The following EPHA6 variants were observed in gnomAD, a reference collection of about 807,000 sequenced individuals.
EPHA6 encodes EPH receptor A6, also known as ephrin type-A receptor 6.
A neutral mutation model predicts 112.0 loss-of-function variants in EPHA6; 50 were observed. The observed-to-expected ratio is 0.45, with a 90% CI of 0.36 to 0.56. The LOEUF (loss-of-function observed/expected upper bound fraction) is 0.56, where lower values mean the gene tolerates loss of function less well. Ranked by LOEUF, EPHA6 falls within the 20% of genes least tolerant of loss-of-function variation. The pLI is 0.00. For synonymous variants in EPHA6, 529 were observed against 490.7 expected (o/e 1.08, Z -1.03); for missense variants, 1,280 against 1,417.4 (o/e 0.90, Z 1.56).
At chr3:97,687,613 A>G (rs1428675369) in intron 14 of EPHA6, among the ~76,000 whole-genome samples, 1 of 152,220 alleles carries the variant, frequency 6.6e-6, no homozygotes, top group Admixed American at 6.5e-5. Context: ...AACTTTCCAC[A>G]TAGTTTCTTT....
chr3:97,330,906 T>G (rs993630881), intron 5 of EPHA6, among the ~76,000 whole-genome samples: 26 of 152,134 alleles, frequency 1.7e-4, no homozygotes, highest in Non-Finnish European at 3.5e-4. Flanking sequence ...CTAATAGACT[T>G]CTACAGAACT....
At chr3:97,387,258 G>C (rs546136395) in intron 5 of EPHA6, among the ~76,000 whole-genome samples, 36 of 151,242 alleles carry the variant, frequency 2.4e-4, no homozygotes, top group African/African-American at 8.3e-4. Flanking sequence ...TCTACCACAT[G>C]ATGGGACTGC....
intron 9 of EPHA6, chr3:97,481,567 C>G (rs4296598): frequency 1.6e-5 from 10 of 639,626 alleles, no homozygotes; most frequent in Non-Finnish European, 2.6e-5. Flanking sequence ...GCGGCGCGTC[C>G]GGCGCTGGGG....
intron 12 of EPHA6, among the ~76,000 whole-genome samples, chr3:97,608,760 C>A (rs911068454): frequency 6.6e-6 from 1 of 151,128 alleles, no homozygotes; most frequent in Non-Finnish European, 1.5e-5. Context: ...CTGGTAAAGC[C>A]GTGGATACAA....
intron 3 of EPHA6, among the ~76,000 whole-genome samples, chr3:97,105,236 A>G (rs1320672356): frequency 1.3e-5 from 2 of 151,608 alleles, no homozygotes; most frequent in Non-Finnish European, 2.9e-5. Context: ...GGTTAATTTG[A>G]GTTCTTTCTA....
chr3:97,202,282 T>A (rs1284038633), intron 3 of EPHA6, among the ~76,000 whole-genome samples: 2 of 152,034 alleles, frequency 1.3e-5, no homozygotes, highest in Non-Finnish European at 2.9e-5. Context: ...CTGAAGAAGC[T>A]TGAGGTCAAT....
intron 4 of EPHA6, among the ~76,000 whole-genome samples, chr3:97,229,006 G>C (rs184109454): frequency 6.6e-6 from 1 of 152,088 alleles, no homozygotes; most frequent in Non-Finnish European, 1.5e-5. Context: ...TCTGTTGGCA[G>C]TTTGTGTATC....
chr3:97,394,629 T>C (rs923143953), intron 5 of EPHA6, among the ~76,000 whole-genome samples: 1 of 151,830 alleles, frequency 6.6e-6, no homozygotes, highest in East Asian at 1.9e-4. Context: ...TGAATAGATA[T>C]TTTTGAAGAG....
intron 5 of EPHA6, among the ~76,000 whole-genome samples, chr3:97,353,787 C>T (rs559594749): frequency 6.6e-6 from 1 of 152,274 alleles, no homozygotes; most frequent in South Asian, 2.1e-4. Context: ...GCATTAGTGT[C>T]AGCCAGGCAA....
At chr3:97,492,042 A>G (rs1055478889) in intron 10 of EPHA6, among the ~76,000 whole-genome samples, 12 of 152,018 alleles carry the variant, frequency 7.9e-5, no homozygotes, top group African/African-American at 2.9e-4. Flanking sequence ...ATTCATGGCC[A>G]TTTTTTTACA....
At chr3:96,993,748 C>G (rs1389289997) in intron 3 of EPHA6, among the ~76,000 whole-genome samples, 1 of 152,110 alleles carries the variant, frequency 6.6e-6, no homozygotes. Context: ...ATTCATGCTG[C>G]TGAGGATGAT....
chr3:96,888,170 AT>A (rs1256688956), intron 2 of EPHA6, among the ~76,000 whole-genome samples: 1 of 152,064 alleles, frequency 6.6e-6, no homozygotes, highest in East Asian at 1.9e-4. Flanking sequence ...TCCCTGTGGA[AT>A]TTTACCCCCT....
chr3:97,219,652 C>T (rs2078134991), intron 3 of EPHA6, among the ~76,000 whole-genome samples: 1 of 152,160 alleles, frequency 6.6e-6, no homozygotes, highest in Non-Finnish European at 1.5e-5. Context: ...TTTTTTCCCT[C>T]CTAGGCCTCC....
intron 1 of EPHA6, among the ~76,000 whole-genome samples, chr3:96,856,692 A>T (rs1040431608): frequency 6.6e-6 from 1 of 152,166 alleles, no homozygotes; most frequent in South Asian, 2.1e-4. Flanking sequence ...GGGTAGATAC[A>T]ATCATTCATT....
chr3:97,102,191 C>T (rs911810243), intron 3 of EPHA6, among the ~76,000 whole-genome samples: 3 of 152,044 alleles, frequency 2.0e-5, no homozygotes, highest in Admixed American at 1.3e-4. Flanking sequence ...AATCTATCTC[C>T]AGTATCTGAT....
chr3:97,063,806 C>T (rs1410139316), intron 3 of EPHA6, among the ~76,000 whole-genome samples: 1 of 152,150 alleles, frequency 6.6e-6, no homozygotes, highest in Non-Finnish European at 1.5e-5. Flanking sequence ...CCAGCGTACA[C>T]TTCTGACAGA....
chr3:96,942,722 T>C (rs1245833113), intron 2 of EPHA6, among the ~76,000 whole-genome samples: 3 of 152,222 alleles, frequency 2.0e-5, no homozygotes, highest in African/African-American at 7.2e-5. Context: ...CTGGGAGCTG[T>C]AGACCGGAGC....
chr3:96,844,015 GGCCCATTTTGA>G (rs1440100357), intron 1 of EPHA6, among the ~76,000 whole-genome samples: 1 of 151,834 alleles, frequency 6.6e-6, no homozygotes, highest in Non-Finnish European at 1.5e-5. Context: ...TTTGAACCTA[GGCCCATTTTGA>G]GTCCCTTGTC....
chr3:96,990,458 G>A (rs933871817), intron 3 of EPHA6, among the ~76,000 whole-genome samples: 10 of 152,050 alleles, frequency 6.6e-5, no homozygotes, highest in Non-Finnish European at 1.5e-4. Context: ...GCAGAAATTG[G>A]AAGATTTAAG....
Sources: gnomAD v4.1 joint callset for allele counts (sites outside exome capture counted in the v4.1 genomes callset) on GRCh38, gnomAD v4.1.1 for gene constraint, MANE v1.5 for transcripts, NCBI Gene and HGNC (gene_info 2026-07-23, HGNC 2026-07-21) for gene names.